Variants in ZNF705A observed in about 807,000 individuals in gnomAD.
The protein encoded by ZNF705A is zinc finger protein 705A.
In ZNF705A, 8 loss-of-function variants were observed where a neutral mutation model predicts 16.6. The observed-to-expected ratio is 0.48, with a 90% CI of 0.28 to 0.87. The LOEUF (loss-of-function observed/expected upper bound fraction) is 0.87, where lower values mean the gene tolerates loss of function less well. Ranked by LOEUF, ZNF705A falls within the 40% of genes least tolerant of loss-of-function variation. The probability of loss-of-function intolerance (pLI) is 0.10; values close to 1 mark genes in which losing one functional copy is unlikely to be tolerated. For missense variants in ZNF705A, 233 were observed against 359.9 expected (o/e 0.65, Z 2.85); for synonymous variants, 73 against 117.3 (o/e 0.62, Z 2.44).
exon 1 of ZNF705A, chr12:8,157,080 A>G (rs2120690388): frequency 2.5e-6 from 1 of 397,966 alleles, no homozygotes; most frequent in East Asian, 3.6e-5. Flanking sequence ...TTGAAATGCA[A>G]TTCCGCTTAA....
chr12:8,176,202 C>G (rs1187878659), intron 4 of ZNF705A, among the ~76,000 whole-genome samples: 1 of 152,188 alleles, frequency 6.6e-6, no homozygotes, highest in Non-Finnish European at 1.5e-5. Flanking sequence ...CACAATTATG[C>G]AATAACTCTG....
chr12:8,158,869 A>G (rs1329974369), intron 1 of ZNF705A, among the ~76,000 whole-genome samples: 1 of 152,046 alleles, frequency 6.6e-6, no homozygotes, highest in South Asian at 2.1e-4. Context: ...TTGGGTACAT[A>G]AGTAAGTTCT....
intron 4 of ZNF705A, among the ~76,000 whole-genome samples, chr12:8,176,290 G>A (rs762784626): frequency 1.3e-5 from 2 of 152,258 alleles, no homozygotes; most frequent in African/African-American, 4.8e-5. Context: ...CGAGAAAAAT[G>A]ACAAGACAAG....
At chr12:8,159,278 C>G (rs748978755) in intron 1 of ZNF705A, among the ~76,000 whole-genome samples, 4 of 152,152 alleles carry the variant, frequency 2.6e-5, no homozygotes, top group Non-Finnish European at 5.9e-5. Context: ...TATTAACATG[C>G]ATGTGCAAGT....
chr12:8,174,700 C>T (rs1348715690), intron 2 of ZNF705A, among the ~76,000 whole-genome samples: 3 of 152,146 alleles, frequency 2.0e-5, no homozygotes, highest in Non-Finnish European at 4.4e-5. Flanking sequence ...CTTTGGTACT[C>T]AGTCTCTAAT....
At chr12:8,169,972 C>T (rs1948431565), upstream of ZNF705A, among the ~76,000 whole-genome samples, 2 of 152,162 alleles carry the variant, frequency 1.3e-5, no homozygotes, top group African/African-American at 2.4e-5. Context: ...AGCGGATCAC[C>T]TGAGGTCAGG....
chr12:8,170,371 C>T (rs761797709), upstream of ZNF705A, among the ~76,000 whole-genome samples: 1 of 152,236 alleles, frequency 6.6e-6, no homozygotes, highest in East Asian at 1.9e-4. Context: ...TTAAAAGTTT[C>T]TCCTAAAGAT....
chr12:8,161,305 G>A (rs952057216), intron 1 of ZNF705A, among the ~76,000 whole-genome samples: 1 of 152,020 alleles, frequency 6.6e-6, no homozygotes, highest in African/African-American at 2.4e-5. Context: ...TATTAGGGTG[G>A]TGCTGGCTTC....
intron 1 of ZNF705A, among the ~76,000 whole-genome samples, chr12:8,163,863 C>A (rs565691557): frequency 2.6e-5 from 4 of 152,132 alleles, no homozygotes; most frequent in Non-Finnish European, 5.9e-5. Flanking sequence ...AACAAGGGAA[C>A]ATCTACCCCT....
chr12:8,177,715 A>G, exon 5 of ZNF705A: 5 of 1,374,122 alleles, frequency 3.6e-6, no homozygotes, highest in Non-Finnish European at 9.8e-7. Context: ...TCTTCAGAAC[A>G]TATTCTGACT....
chr12:8,166,235 C>T (rs767036343), intron 1 of ZNF705A, among the ~76,000 whole-genome samples: 29 of 152,298 alleles, frequency 1.9e-4, no homozygotes, highest in Admixed American at 4.6e-4. Flanking sequence ...AGTAGACATT[C>T]GCCATGAAGT....
chr12:8,172,672 A>T, intron 1 of ZNF705A, 35 bp downstream of exon 2: 1 of 1,595,828 alleles, frequency 6.3e-7, no homozygotes, highest in Non-Finnish European at 8.5e-7. Context: ...CTGAAATTAT[A>T]CCCATATTGC....
intron 1 of ZNF705A, among the ~76,000 whole-genome samples, chr12:8,173,281 A>T (rs923376651): frequency 1.9e-4 from 29 of 152,374 alleles, no homozygotes; most frequent in Admixed American, 4.6e-4. Flanking sequence ...ACCTTTTGGT[A>T]ATTAACCTTT....
At chr12:8,172,480 A>C, upstream of ZNF705A, 1 of 1,052,272 alleles carries the variant, frequency 9.5e-7, no homozygotes, top group South Asian at 1.2e-5. Flanking sequence ...CTTCAGTGAA[A>C]GTCTGGCTTT....
At chr12:8,175,461 T>C (rs955166443) in intron 3 of ZNF705A, 138 bp downstream of exon 4, 56 of 1,277,548 alleles carry the variant, frequency 4.4e-5, no homozygotes, top group Non-Finnish European at 6.0e-5. Flanking sequence ...CAGAATTCCT[T>C]AGATGTTATT....
At chr12:8,158,558 G>T (rs963228462) in intron 1 of ZNF705A, among the ~76,000 whole-genome samples, 4 of 151,764 alleles carry the variant, frequency 2.6e-5, no homozygotes, top group Non-Finnish European at 5.9e-5. Context: ...ATGGAAATTT[G>T]TTTTTTTCCT....
chr12:8,173,343 C>T (rs554098346), intron 1 of ZNF705A, among the ~76,000 whole-genome samples: 5 of 152,016 alleles, frequency 3.3e-5, no homozygotes, highest in East Asian at 3.8e-4. Flanking sequence ...TATTTAATTA[C>T]GGTTGCACAC....
upstream of ZNF705A, among the ~76,000 whole-genome samples, chr12:8,167,697 T>C (rs11043718): frequency 0.077 from 11,742 of 152,202 alleles, 1,228 homozygotes; most frequent in African/African-American, 0.24. Flanking sequence ...CTGTTACCAG[T>C]AGAAGAGATT....
chr12:8,176,914 T>G, intron 4 of ZNF705A, 85 bp from the exon 6 acceptor site: 1 of 1,558,286 alleles, frequency 6.4e-7, no homozygotes, highest in Non-Finnish European at 8.8e-7. Flanking sequence ...CCACTGAATG[T>G]TTGGTCTAGG....
Sources: allele counts gnomAD v4.1 joint callset (sites outside exome capture counted in the v4.1 genomes callset), GRCh38; gene constraint gnomAD v4.1.1; transcripts MANE v1.5; gene names NCBI Gene and HGNC (gene_info 2026-07-23, HGNC 2026-07-21).